SCOC: variants seen among roughly 807,000 people sequenced by gnomAD.
The protein encoded by SCOC is short coiled coil protein.
SCOC carries 7 observed loss-of-function variants against 9.9 expected under a neutral mutation model. The observed-to-expected ratio is 0.71, with a 90% CI of 0.40 to 1.33. The LOEUF (loss-of-function observed/expected upper bound fraction) is 1.33, where lower values mean the gene tolerates loss of function less well. SCOC is among the 40% of genes most tolerant of loss of function. SCOC has a pLI of 0.01. For synonymous variants in SCOC, 19 were observed against 28.2 expected, an observed-to-expected ratio of 0.67 and a Z score of 1.03; for missense variants, 66 against 89.7, an observed-to-expected ratio of 0.74 and a Z score of 1.07.
intron 1 of SCOC, among the ~76,000 whole-genome samples, chr4:140,259,936 T>G (rs919209779): frequency 3.3e-5 from 5 of 152,226 alleles, no homozygotes; most frequent in Non-Finnish European, 5.9e-5. Context: ...GCCATTCCAG[T>G]TCCTGGATAC....
chr4:140,311,722 T>C (rs1287679641), intron 1 of SCOC, among the ~76,000 whole-genome samples: 1 of 152,208 alleles, frequency 6.6e-6, no homozygotes, highest in Non-Finnish European at 1.5e-5. Flanking sequence ...GACTTTGGGC[T>C]GCTTACTTAA....
chr4:140,265,952 G>T (rs1288287568), intron 1 of SCOC, among the ~76,000 whole-genome samples: 1 of 152,158 alleles, frequency 6.6e-6, no homozygotes, highest in African/African-American at 2.4e-5. Context: ...GGCAGCCAGG[G>T]CTGGAGGACC....
chr4:140,372,823 C>A (rs569356658), upstream of SCOC, among the ~76,000 whole-genome samples: 8 of 152,276 alleles, frequency 5.3e-5, no homozygotes, highest in African/African-American at 1.9e-4. Flanking sequence ...AATATTAAAG[C>A]AGGATGCCGC....
rs374507481 is a variant in SCOC, at chr4:140,377,225, G to A, written c.-50-1896G>A. 1.9e-4 allele frequency among the ~76,000 whole-genome samples: 29 copies of A among 152,234 alleles called. No individual in the cohort carries two copies. The East Asian group carries it at 5.4e-3, about 28-fold the overall frequency. On this transcript the variant is annotated intron_variant, in intron 1 of 3. Coordinates refer to ENST00000608372, the MANE Select transcript of SCOC (RefSeq NM_001153484.2). The stretch of plus-strand genomic sequence containing the variant: ...CTCTGTCAGGGAAATGTCAAATCAA[G>A]TTTTCACTGACACTCTTCCTCTTCA...
At chr4:140,310,567 C>A (rs570450787) in intron 1 of SCOC, among the ~76,000 whole-genome samples, 1 of 152,330 alleles carries the variant, frequency 6.6e-6, no homozygotes, top group Admixed American at 6.5e-5. Flanking sequence ...TTGTTGGGAA[C>A]CTTCCTTCTC....
rs145502931 is a variant in SCOC, at chr4:140,324,300, G to A, written c.-18-19321G>A. On this transcript the variant is annotated intron_variant, in intron 1 of 4. Transcript: ENST00000394205. ...TACCCTCCAAAACTGGGAATAAAGC[G>A]AGGATGTCCTCTCTGACTATCCCCA... 2.9e-3 allele frequency among the ~76,000 whole-genome samples: 436 copies of A among 152,202 alleles called. 1 individual carries two copies. The highest frequency in any genetic ancestry group is 0.01 in the African/African-American group (420 of 41,530).
In SCOC at chr4:140,260,517, G is replaced by C. The variant is rs7696749; in HGVS notation, c.-19+3107G>C. Among the ~76,000 whole-genome samples the C allele has an allele frequency of 3.2e-4, 49 of 152,272 alleles. No individual in the cohort carries two copies. In the South Asian group the frequency reaches 9.7e-3, roughly 30 times the overall value. ...AGACTAAAAGATCTATCATATGCTC[G>C]AAGAACCTGGAGAGAAAATTCCTCA... On this transcript the variant is annotated intron_variant, in intron 1 of 4. Coordinates refer to the SCOC transcript ENST00000394205.
chr4:140,281,147 T>G (rs1305081039), intron 1 of SCOC, among the ~76,000 whole-genome samples: 1 of 152,112 alleles, frequency 6.6e-6, no homozygotes, highest in Non-Finnish European at 1.5e-5. Context: ...CGTGTTCCTC[T>G]GGGCAACTTG....
intron 1 of SCOC, among the ~76,000 whole-genome samples, chr4:140,312,821 T>C (rs1732194609): frequency 6.6e-6 from 1 of 152,230 alleles, no homozygotes; most frequent in Non-Finnish European, 1.5e-5. Context: ...AACCTTGTAA[T>C]TGTTGCTACA....
chr4:140,357,765 CA>C (rs1727290556), intron 2 of SCOC, among the ~76,000 whole-genome samples: 1 of 152,204 alleles, frequency 6.6e-6, no homozygotes, highest in Non-Finnish European at 1.5e-5. Flanking sequence ...TTTGCCATCT[CA>C]CTATACTACT....
At chr4:140,302,808 G>C (rs1279635085) in intron 1 of SCOC, among the ~76,000 whole-genome samples, 1 of 152,166 alleles carries the variant, frequency 6.6e-6, no homozygotes, top group Non-Finnish European at 1.5e-5. Flanking sequence ...AACAAAAGTA[G>C]ACTGTAGACG....
At chr4:140,327,939 T>G (rs1227308238) in intron 1 of SCOC, among the ~76,000 whole-genome samples, 2 of 152,106 alleles carry the variant, frequency 1.3e-5, no homozygotes, top group African/African-American at 4.8e-5. Context: ...GGACAAGATA[T>G]TCAAAGATCT....
chr4:140,341,630 T>G (rs1175560677), upstream of SCOC, among the ~76,000 whole-genome samples: 1 of 152,178 alleles, frequency 6.6e-6, no homozygotes, highest in Non-Finnish European at 1.5e-5. Flanking sequence ...TGGTCCATGA[T>G]TATATACAGA....
chr4:140,380,194 C>CTTTTTTTTTT (rs993271002), intron 3 of SCOC, among the ~76,000 whole-genome samples: 6 of 108,420 alleles, frequency 5.5e-5, no homozygotes, highest in African/African-American at 1.1e-4. Flanking sequence ...TTTTCTTTTT[C>CTTTTTTTTTT]TTTTTTTTTT....
chr4:140,321,119 CT>C (rs1384145364), intron 1 of SCOC, among the ~76,000 whole-genome samples: 1 of 152,170 alleles, frequency 6.6e-6, no homozygotes, highest in East Asian at 1.9e-4. Context: ...TTCTGGACCC[CT>C]GAGGGTAACC....
chr4:140,298,899 T>G lies in SCOC; in HGVS notation c.-19+41489T>G, dbSNP rs1378232735. ...GGCACGATCATGGTTCACTGCAGCC[T>G]CGTCCTCCTGGGGCCAAGCGATCCT... On this transcript the variant is annotated intron_variant, in intron 1 of 4. Coordinates refer to the SCOC transcript ENST00000394205. Among the ~76,000 whole-genome samples, 7 of 152,204 alleles carry G rather than the reference T, an allele frequency of 4.6e-5. No individual in the cohort carries two copies. The South Asian group carries it at 1.5e-3, about 32-fold the overall frequency.
At chr4:140,322,120 G>A (rs77667452) in intron 1 of SCOC, among the ~76,000 whole-genome samples, 4,244 of 152,206 alleles carry the variant, frequency 0.028, 126 homozygotes, top group South Asian at 0.092. Context: ...AAAATAAATT[G>A]TCTAGTCTGT....
At chr4:140,266,860 G>A (rs1296206305) in intron 1 of SCOC, among the ~76,000 whole-genome samples, 1 of 152,104 alleles carries the variant, frequency 6.6e-6, no homozygotes, top group African/African-American at 2.4e-5. Flanking sequence ...GGAAATCTTT[G>A]AGAAAAACTA....
At chr4:140,258,145 C>T (rs60745199) in intron 1 of SCOC, among the ~76,000 whole-genome samples, 5,041 of 152,324 alleles carry the variant, frequency 0.033, 105 homozygotes, top group Middle Eastern at 0.058. Context: ...CCACCCTCCG[C>T]CAAGCACTTG....
Sources: gnomAD v4.1 joint callset for allele counts (sites outside exome capture counted in the v4.1 genomes callset) on GRCh38, gnomAD v4.1.1 for gene constraint, MANE v1.5 for transcripts, NCBI Gene and HGNC (gene_info 2026-07-23, HGNC 2026-07-21) for gene names.